TCOF1: variants seen among roughly 807,000 people sequenced by gnomAD.
The protein encoded by TCOF1 is treacle protein.
TCOF1 carries 33 observed loss-of-function variants against 149.0 expected under a neutral mutation model. The observed-to-expected ratio is 0.22, with a 90% CI of 0.17 to 0.30. The LOEUF (loss-of-function observed/expected upper bound fraction) is 0.30, where lower values mean the gene tolerates loss of function less well. Ranked by LOEUF, TCOF1 falls within the 10% of genes least tolerant of loss-of-function variation. The pLI is 1.00. For missense variants in TCOF1, 1,728 were observed against 1,840.7 expected, an observed-to-expected ratio of 0.94 and a Z score of 1.12; for synonymous variants, 789 against 738.8, an observed-to-expected ratio of 1.07 and a Z score of -1.10.
At chr5:150,389,023 T>A (rs182302969) in intron 18 of TCOF1, among the ~76,000 whole-genome samples, 6 of 148,968 alleles carry the variant, frequency 4.0e-5, no homozygotes, top group Non-Finnish European at 6.0e-5. Context: ...GGAAGATCGC[T>A]TGAGCCCAGG....
In TCOF1 at chr5:150,374,351, G is replaced by A. The variant is rs1291650283; in HGVS notation, c.1048G>A (p.Glu350Lys). The A allele has an allele frequency of 3.2e-6, 5 of 1,561,912 alleles. No individual in the cohort carries two copies. The highest frequency in any genetic ancestry group is 1.4e-5 in the African/African-American group (1 of 73,418). ...CAGCAGCGAGGAGTCATCTGACAGT[G>A]AGGAGGAGACGCCAGCTGCCAAGGC... is the stretch of plus-strand genomic sequence containing the variant. ...ESSSEESSDS[E>K]EETPAAKALL... is the part of the protein sequence containing the mutation. The change falls in exon 8 of 27, where the codon GAG becomes AAG. Residue 350 changes from glutamate (E) to lysine (K), a missense_variant. Physicochemically the swap from Glu to Lys is moderately conservative, Grantham distance 56. Around this residue, in one of 2 missense-constraint regions of TCOF1, gnomAD observed 1,696 missense variants for 1,765.4 expected, o/e 0.96. Coordinates refer to ENST00000643257, the MANE Select transcript of TCOF1 (RefSeq NM_001371623.1).
chr5:150,398,710 T>C (rs570466860), intron 25 of TCOF1, among the ~76,000 whole-genome samples: 8 of 152,260 alleles, frequency 5.3e-5, no homozygotes, highest in Non-Finnish European at 1.0e-4. Context: ...CCAGGTAGAC[T>C]GTGGCAGGTT....
At chr5:150,391,010 C>A (rs969927045) in intron 19 of TCOF1, among the ~76,000 whole-genome samples, 5 of 152,156 alleles carry the variant, frequency 3.3e-5, no homozygotes, top group African/African-American at 1.2e-4. Context: ...GATGCTTAAG[C>A]AGAAAAAGCA....
In TCOF1 at chr5:150,375,754, C is replaced by T. The variant is rs1436079126; in HGVS notation, c.1738C>T (p.Pro580Ser). Reference sequence around the variant, plus strand: ...CTTGGGGAACATCCTCCAGGCCAAACCCACCTCCAGTCCTGCCAAGGGGCC... The same window carrying T: ...CTTGGGGAACATCCTCCAGGCCAAATCCACCTCCAGTCCTGCCAAGGGGCC... Reference protein sequence around the residue: ...KSLGNILQAKPTSSPAKGPPQ... With the variant: ...KSLGNILQAKSTSSPAKGPPQ... The change falls in exon 12 of 27, where the codon CCC becomes TCC. Residue 580 changes from proline (P) to serine (S), a missense_variant. By Grantham distance (74) the Pro-to-Ser change is moderately conservative (BLOSUM62 -1). Around this residue, in one of 2 missense-constraint regions of TCOF1, gnomAD observed 1,696 missense variants for 1,765.4 expected, o/e 0.96. Coordinates refer to ENST00000643257, the MANE Select transcript of TCOF1 (RefSeq NM_001371623.1). 1.2e-6 allele frequency: 2 copies of T among 1,614,272 alleles called. No homozygotes were observed.
At chr5:150,367,742 C>G in intron 3 of TCOF1, 102 bp from the exon 4 acceptor site, 1 of 1,359,660 alleles carries the variant, frequency 7.4e-7, no homozygotes. Flanking sequence ...CAGCACCAGG[C>G]AGCCAATACC....
At chr5:150,363,314 T>G (rs11167500) in intron 2 of TCOF1, among the ~76,000 whole-genome samples, 13,762 of 152,258 alleles carry the variant, frequency 0.09, 732 homozygotes, top group African/African-American at 0.15. Context: ...CAAGGGACCC[T>G]ACTATCACAT....
intron 17 of TCOF1, chr5:150,385,048 T>C (rs2150940648): frequency 1.0e-6 from 1 of 985,430 alleles, no homozygotes; most frequent in East Asian, 1.1e-4. Flanking sequence ...CAGGACAGCT[T>C]CCAGATTTAA....
At chr5:150,375,262 G>A (rs919538387) in intron 10 of TCOF1, 77 bp from the exon 11 acceptor site, 2 of 1,605,394 alleles carry the variant, frequency 1.2e-6, no homozygotes, top group Non-Finnish European at 1.7e-6. Context: ...TGTGCGGCTG[G>A]CTTCGTTTGC....
chr5:150,382,846 G>T (rs916463882), intron 17 of TCOF1, among the ~76,000 whole-genome samples: 2 of 152,230 alleles, frequency 1.3e-5, no homozygotes, highest in African/African-American at 4.8e-5. Flanking sequence ...TTTCATGTTC[G>T]GAGTCAGCTC....
intron 1 of TCOF1, among the ~76,000 whole-genome samples, chr5:150,359,434 G>A (rs1187808341): frequency 6.6e-6 from 1 of 152,166 alleles, no homozygotes; most frequent in Non-Finnish European, 1.5e-5. Context: ...GCTGGCTGGA[G>A]TGGTCTGGTG....
intron 2 of TCOF1, among the ~76,000 whole-genome samples, chr5:150,363,114 C>T (rs1444895263): frequency 6.6e-6 from 1 of 152,170 alleles, no homozygotes; most frequent in Non-Finnish European, 1.5e-5. Flanking sequence ...CCCCGACTTC[C>T]TGCACCCGCC....
intron 17 of TCOF1, chr5:150,384,612 T>G: frequency 1.0e-6 from 1 of 985,448 alleles, no homozygotes; most frequent in African/African-American, 1.7e-5. Flanking sequence ...CTAACACAAT[T>G]AAAATGAACA....
chr5:150,389,033 G>A (rs1251496882), intron 18 of TCOF1, among the ~76,000 whole-genome samples: 1 of 152,096 alleles, frequency 6.6e-6, no homozygotes, highest in African/African-American at 2.4e-5. Context: ...TTGAGCCCAG[G>A]AGTTCAAGAC....
At position 150,391,525 on chromosome 5, in the gene TCOF1, T is replaced by C. The variant is rs369497315; in HGVS notation, c.3184-19T>C. 47 of 1,605,918 alleles carry C rather than the reference T, an allele frequency of 2.9e-5. No homozygotes were observed. The African/African-American group carries it at 4.8e-4, about 16-fold the overall frequency. ...CCCAAGGACTTGTGAGTCTGAGGGCTACCTCTTGCCACCCACAGGTGTCAA... is the reference window on the plus strand; with the variant it reads ...CCCAAGGACTTGTGAGTCTGAGGGCCACCTCTTGCCACCCACAGGTGTCAA... On this transcript the variant is annotated intron_variant, in intron 19 of 26. Coordinates refer to ENST00000643257, the MANE Select transcript of TCOF1 (RefSeq NM_001371623.1).
intron 2 of TCOF1, 59 bp downstream of exon 2, chr5:150,361,270 GA>G: frequency 1.3e-6 from 2 of 1,590,390 alleles, no homozygotes; most frequent in South Asian, 2.2e-5. Flanking sequence ...ACTCAGCTTG[GA>G]ATAAGCTGGG....
At chr5:150,383,802 AC>A in intron 17 of TCOF1, 1 of 1,551,626 alleles carries the variant, frequency 6.4e-7, no homozygotes, top group South Asian at 1.2e-5. Context: ...CCTGTGGCAT[AC>A]CTTCATGTGC....
chr5:150,364,872 A>G (rs918868207), intron 3 of TCOF1: 1 of 152,962 alleles, frequency 6.5e-6, no homozygotes, highest in African/African-American at 2.4e-5. Context: ...TACATAGAAG[A>G]CACATTTCTT....
intron 19 of TCOF1, among the ~76,000 whole-genome samples, chr5:150,390,945 A>G (rs1463100308): frequency 6.6e-6 from 1 of 152,214 alleles, no homozygotes; most frequent in African/African-American, 2.4e-5. Context: ...AGAGGAAACA[A>G]TAAAAACTAG....
chr5:150,367,728 A>G, intron 3 of TCOF1, 116 bp from the exon 4 acceptor site: 1 of 1,213,584 alleles, frequency 8.2e-7, no homozygotes, highest in Non-Finnish European at 1.2e-6. Flanking sequence ...TCAGATCCTC[A>G]TGCCAGCACC....
Sources: gnomAD v4.1 joint callset for allele counts (sites outside exome capture counted in the v4.1 genomes callset) on GRCh38, gnomAD v4.1.1 for gene constraint, gnomAD v4.1.1 regional missense constraint, MANE v1.5 for transcripts, NCBI Gene and HGNC (gene_info 2026-07-23, HGNC 2026-07-21) for gene names.